KDM1B: variants seen among roughly 807,000 people sequenced by gnomAD.
KDM1B encodes the protein lysine-specific histone demethylase 2.
KDM1B carries 63 observed loss-of-function variants against 107.4 expected under a neutral mutation model. The observed-to-expected ratio is 0.59, with a 90% confidence interval of 0.48 to 0.72. The LOEUF is 0.72. Ranked by LOEUF, KDM1B falls within the 30% of genes least tolerant of loss-of-function variation. The pLI, the probability that KDM1B is intolerant of heterozygous loss-of-function variation, is 0.00. For synonymous variants in KDM1B, 363 were observed against 363.9 expected (o/e 1.00, Z 0.03); for missense variants, 749 against 1,020.8 (o/e 0.73, Z 3.63).
chr6:18,184,423 C>A (rs1786697924), intron 7 of KDM1B, among the ~76,000 whole-genome samples: 1 of 151,746 alleles, frequency 6.6e-6, no homozygotes, highest in Admixed American at 6.6e-5. Flanking sequence ...TACAGGTGCG[C>A]ACCACCATGC....
At position 18,155,960 on chromosome 6, in the gene KDM1B, AAAAGCTTCCG is replaced by A. The variant is rs1784566460; in HGVS notation, c.-14+43_-14+52del. On this transcript the variant is annotated intron_variant, in intron 2 of 21. Coordinates refer to ENST00000650836, the MANE Select transcript of KDM1B (RefSeq NM_001364614.2). The surrounding 1 kb of genome is among the most constrained non-coding windows in gnomAD (Gnocchi z 6.2). ...CGGGGCAGTTGCTTCTCCGACTTCG[AAAAGCTTCCG>A]AAAGCTTCTCGGAAAGCGAGGCGGC... 1 of 152,206 alleles carries A rather than the reference AAAAGCTTCCG, an allele frequency of 6.6e-6. No homozygotes were observed. The highest frequency in any genetic ancestry group is 2.1e-4 in the South Asian group (1 of 4,832). The allele number at this position is 152,206 out of a possible 1,614,324, so 9.4% of individuals were successfully genotyped here.
In KDM1B at chr6:18,206,669, C is replaced by T. The variant is rs1788394802; in HGVS notation, c.1660-729C>T. 2.6e-5 allele frequency among the ~76,000 whole-genome samples: 4 copies of T among 152,082 alleles called. No individual in the cohort carries two copies. The South Asian group carries it at 8.3e-4, about 32-fold the overall frequency. On this transcript the variant is annotated intron_variant, in intron 15 of 21. Transcript: ENST00000650836. ...TGAACTCCTGGTCTCAAGTGATCCT[C>T]CTGCCTCGGCCTCCCAAAATGCTGG...
chr6:18,221,756 A>G (rs753685953), intron 21 of KDM1B, among the ~76,000 whole-genome samples, 153 bp from the exon 22 acceptor site: 17 of 152,212 alleles, frequency 1.1e-4, no homozygotes, highest in African/African-American at 2.7e-4. Flanking sequence ...ATAACCAGAA[A>G]AGTTCCAGTG....
intron 12 of KDM1B, among the ~76,000 whole-genome samples, chr6:18,199,008 GAAAAAAAAAAAAAAAAA>G (rs70974711): frequency 4.0e-5 from 3 of 74,698 alleles, no homozygotes; most frequent in Admixed American, 3.9e-4. Flanking sequence ...GTCTCTACCA[GAAAAAAAAAAAAAAAAA>G]AAAAAAAAGA....
In KDM1B at chr6:18,213,391, G is replaced by T. The variant is rs73366523; in HGVS notation, c.1984-265G>T. ...GTGGAGGCTGCAGTGAGCCAAGATCGCTCCATTGCACTCCCAGCTGGGCAA... is the reference window on the plus strand; with the variant it reads ...GTGGAGGCTGCAGTGAGCCAAGATCTCTCCATTGCACTCCCAGCTGGGCAA... On this transcript the variant is annotated intron_variant, in intron 18 of 21. Coordinates refer to ENST00000650836, the MANE Select transcript of KDM1B (RefSeq NM_001364614.2). The surrounding 1 kb of genome is among the most constrained non-coding windows in gnomAD (Gnocchi z 5.9). 6.7e-6 allele frequency among the ~76,000 whole-genome samples: 1 copy of T among 150,202 alleles called. No homozygotes were observed. Among genetic ancestry groups the T allele is most frequent in the East Asian group, 2.0e-4 (1 of 5,102 alleles).
rs576898481 is a variant in KDM1B at position 18,162,352 on chromosome 6, C to G, written c.216-483C>G. ...AATAAAAAAATATTAAAAATAAACA[C>G]AAAGACGTGGTGATCGTGTTCATAG... On this transcript the variant is annotated intron_variant, in intron 4 of 21. Coordinates refer to ENST00000650836, the MANE Select transcript of KDM1B (RefSeq NM_001364614.2). The surrounding 1 kb of genome is among the most constrained non-coding windows in gnomAD (Gnocchi z 4.1). Among the ~76,000 whole-genome samples the G allele has an allele frequency of 6.6e-6, 1 of 151,878 alleles. No individual in the cohort carries two copies. The highest frequency in any genetic ancestry group is 2.4e-5 in the African/African-American group (1 of 41,250).
chr6:18,202,351 G>T (rs1012144198), intron 14 of KDM1B, among the ~76,000 whole-genome samples: 1 of 151,704 alleles, frequency 6.6e-6, no homozygotes, highest in African/African-American at 2.4e-5. Flanking sequence ...AGTGAGCTAT[G>T]ATCCCACCAC....
chr6:18,198,953 G>A (rs1408056804), intron 12 of KDM1B, among the ~76,000 whole-genome samples: 1 of 136,912 alleles, frequency 7.3e-6, no homozygotes, highest in South Asian at 2.4e-4. Flanking sequence ...GAGATCGCTT[G>A]AGCTCAGGAG....
chr6:18,191,099 C>A lies in KDM1B; in HGVS notation c.785-98C>A. The A allele has an allele frequency of 2.0e-6, 2 of 986,154 alleles. No individual in the cohort carries two copies. The highest frequency in any genetic ancestry group is 3.0e-6 in the Non-Finnish European group (2 of 664,454). The allele number at this position is 986,154 out of a possible 1,614,324, so 61.1% of individuals were successfully genotyped here. A position where few individuals can be genotyped will look rare whatever the true frequency, so the allele number is the denominator to read the frequency against. ...TATTTATGTAGGGTAGAGAGTGGAG[C>A]TTGTCTAGGCTTACTTTTTGGTTTG... On this transcript the variant is annotated intron_variant, in intron 9 of 21. Transcript: ENST00000650836. This position sits in a 1 kb window ranked among gnomAD's most constrained non-coding sequence, Gnocchi z 5.1.
intron 5 of KDM1B, among the ~76,000 whole-genome samples, chr6:18,163,297 A>C (rs6906589): frequency 0.91 from 137,836 of 152,182 alleles, 62,511 homozygotes; most frequent in African/African-American, 0.93. Context: ...TGGGCTCAAA[A>C]GATCTGCCTG....
rs1789089310 is a variant in KDM1B at position 18,214,675 on chromosome 6, CGAG to C, written c.2110-330_2110-328del. Among the ~76,000 whole-genome samples, 1 of 152,036 alleles carries C rather than the reference CGAG, an allele frequency of 6.6e-6. No homozygotes were observed. The highest frequency in any genetic ancestry group is 2.4e-5 in the African/African-American group (1 of 41,396). On this transcript the variant is annotated intron_variant, in intron 19 of 21. Coordinates refer to ENST00000650836, the MANE Select transcript of KDM1B (RefSeq NM_001364614.2). This position sits in a 1 kb window ranked among gnomAD's most constrained non-coding sequence, Gnocchi z 4.4. Reference sequence around the variant, plus strand: ...CTGTAATCCCAGCACTTTGGGAGGCCGAGGTGGGTGGATCACCTGAGGTCAGGA... The same window carrying C: ...CTGTAATCCCAGCACTTTGGGAGGCCGTGGGTGGATCACCTGAGGTCAGGA...
rs1788250964 is a variant in KDM1B, at chr6:18,204,568, A to G, written c.1532-969A>G. Among the ~76,000 whole-genome samples the G allele has an allele frequency of 6.6e-6, 1 of 152,242 alleles. No individual in the cohort carries two copies. Among genetic ancestry groups the G allele is most frequent in the African/African-American group, 2.4e-5 (1 of 41,460 alleles). On this transcript the variant is annotated intron_variant, in intron 14 of 21. Coordinates refer to ENST00000650836, the MANE Select transcript of KDM1B (RefSeq NM_001364614.2). The surrounding 1 kb of genome is among the most constrained non-coding windows in gnomAD (Gnocchi z 4.9). Reference sequence around the variant, plus strand: ...GTTGTCATCACTGGAACAGTTGTAAAGAAGTAACCTGTACTGAGATGCTTA... The same window carrying G: ...GTTGTCATCACTGGAACAGTTGTAAGGAAGTAACCTGTACTGAGATGCTTA...
At position 18,166,340 on chromosome 6, in the gene KDM1B, C is replaced by A. The variant is rs367866866; in HGVS notation, c.379C>A (p.Pro127Thr). ...WTSNGKTEPS[P>T]KAFMADQQLP... ...TAGCAATGGCAAAACCGAACCTAGTCCCAAAGCTTTCATGGCAGACCAGCA... is the reference window on the plus strand; with the variant it reads ...TAGCAATGGCAAAACCGAACCTAGTACCAAAGCTTTCATGGCAGACCAGCA... The change falls in exon 6 of 22, where the codon CCC becomes ACC. Residue 127 changes from proline (P) to threonine (T), a missense_variant. Coordinates refer to ENST00000650836, the MANE Select transcript of KDM1B (RefSeq NM_001364614.2). 6.2e-7 allele frequency: 1 copy of A among 1,613,114 alleles called. No individual in the cohort carries two copies. Among genetic ancestry groups the A allele is most frequent in the Non-Finnish European group, 8.5e-7 (1 of 1,179,140 alleles).
rs1392358548 is a variant in KDM1B, at chr6:18,161,369, G to C, written c.130G>C (p.Gly44Arg). The C allele has an allele frequency of 6.2e-7, 1 of 1,613,922 alleles. No homozygotes were observed. Among genetic ancestry groups the C allele is most frequent in the South Asian group, 1.1e-5 (1 of 91,064 alleles). Residue 44 changes from glycine to arginine, a missense_variant, in exon 4 of 22, where the codon GGT becomes CGT. Coordinates refer to ENST00000650836, the MANE Select transcript of KDM1B (RefSeq NM_001364614.2). ...ATETTDEDED[G>R]GSEKKYRKCE... ...AGAGACAACAGATGAGGATGAAGAT[G>C]GTGGCTCAGAGAAGAAGTACAGGAA... is the stretch of plus-strand genomic sequence containing the variant.
chr6:18,179,638 A>G (rs565093865), intron 7 of KDM1B, among the ~76,000 whole-genome samples: 10 of 151,316 alleles, frequency 6.6e-5, no homozygotes, highest in Non-Finnish European at 8.9e-5. Flanking sequence ...TTTTTCATCT[A>G]TGTTGTCACA....
At position 18,186,169 on chromosome 6, in the gene KDM1B, C is replaced by A. The variant is rs921746548; in HGVS notation, c.573+359C>A. On this transcript the variant is annotated intron_variant, in intron 8 of 21. Transcript: ENST00000650836. The surrounding 1 kb of genome is among the most constrained non-coding windows in gnomAD (Gnocchi z 5.6). Reference sequence around the variant, plus strand: ...CCTCCTAAGAAAAGCACAAGAGGGCCACAATTTGATCGTCTTGGCCTGGAT... The same window carrying A: ...CCTCCTAAGAAAAGCACAAGAGGGCAACAATTTGATCGTCTTGGCCTGGAT... 1.3e-5 allele frequency among the ~76,000 whole-genome samples: 2 copies of A among 152,138 alleles called. No homozygotes were observed. The highest frequency in any genetic ancestry group is 4.8e-5 in the African/African-American group (2 of 41,432).
At chr6:18,202,707 AGG>A (rs1346990096) in intron 14 of KDM1B, among the ~76,000 whole-genome samples, 1 of 152,162 alleles carries the variant, frequency 6.6e-6, no homozygotes, top group Non-Finnish European at 1.5e-5. Context: ...TCAATTCTTC[AGG>A]CTGATATACA....
chr6:18,205,685 A>G lies in KDM1B; in HGVS notation c.1659+21A>G. 6.7e-7 allele frequency: 1 copy of G among 1,481,930 alleles called. No individual in the cohort carries two copies. Among genetic ancestry groups the G allele is most frequent in the South Asian group, 1.4e-5 (1 of 74,036 alleles). The allele number at this position is 1,481,930 out of a possible 1,614,324, so 91.8% of individuals were successfully genotyped here. On this transcript the variant is annotated intron_variant, in intron 15 of 21. Transcript: ENST00000650836. The surrounding 1 kb of genome is among the most constrained non-coding windows in gnomAD (Gnocchi z 5.7). ...ACCAGGTGCGCTTGGGTTTTGTGAA[A>G]GGTGTGCTTTGAAAATACTTGGTTT... is the stretch of plus-strand genomic sequence containing the variant.
At chr6:18,210,103 G>A (rs538175395) in intron 17 of KDM1B, among the ~76,000 whole-genome samples, 1 of 152,156 alleles carries the variant, frequency 6.6e-6, no homozygotes, top group Non-Finnish European at 1.5e-5. Flanking sequence ...ACTTTGAAAT[G>A]TTTAAAACAA....
Sources: gnomAD v4.1 joint callset for allele counts (sites outside exome capture counted in the v4.1 genomes callset) on GRCh38, gnomAD v4.1.1 for gene constraint, Gnocchi (gnomAD v3.1) non-coding constraint, MANE v1.5 for transcripts, NCBI Gene and HGNC (gene_info 2026-07-23, HGNC 2026-07-21) for gene names.